The following COLEC11 variants were observed in gnomAD, a reference collection of about 807,000 sequenced individuals.
The protein encoded by COLEC11 is collectin-11.
A neutral mutation model predicts 27.3 loss-of-function variants in COLEC11; 20 were observed. That is an observed-to-expected ratio of 0.73 (90% CI 0.51 to 1.06). The LOEUF is 1.06. Among genes scored for constraint, COLEC11 ranks in the 50% least tolerant of loss-of-function variants. The pLI, the probability that COLEC11 is intolerant of heterozygous loss-of-function variation, is 0.00. For missense variants in COLEC11, 310 were observed against 383.0 expected, an observed-to-expected ratio of 0.81 and a Z score of 1.59; for synonymous variants, 163 against 154.7, an observed-to-expected ratio of 1.05 and a Z score of -0.40.
intron 1 of COLEC11, among the ~76,000 whole-genome samples, chr2:3,599,966 T>A (rs1467062143): frequency 6.6e-6 from 1 of 152,192 alleles, no homozygotes; most frequent in Non-Finnish European, 1.5e-5. Flanking sequence ...CCAGGCACGG[T>A]GGCTCAAGCC....
chr2:3,625,792 C>T (rs994207541), intron 3 of COLEC11, among the ~76,000 whole-genome samples: 2 of 151,910 alleles, frequency 1.3e-5, no homozygotes, highest in Admixed American at 6.6e-5. Context: ...ACCACCACGC[C>T]CGGCTAATTT....
At chr2:3,611,472 G>T (rs1056572590) in intron 2 of COLEC11, among the ~76,000 whole-genome samples, 29 of 152,338 alleles carry the variant, frequency 1.9e-4, no homozygotes, top group African/African-American at 6.7e-4. Flanking sequence ...TCTTTCTTCT[G>T]CACGATGCTG....
intron 3 of COLEC11, among the ~76,000 whole-genome samples, chr2:3,623,103 A>G (rs1005456383): frequency 1.3e-5 from 2 of 152,198 alleles, no homozygotes; most frequent in African/African-American, 4.8e-5. Context: ...TACTTTGAAT[A>G]TATGATCCCA....
At chr2:3,613,113 C>T (rs912169953) in intron 2 of COLEC11, among the ~76,000 whole-genome samples, 198 bp from the exon 3 acceptor site, 1 of 145,342 alleles carries the variant, frequency 6.9e-6, no homozygotes, top group Non-Finnish European at 1.5e-5. Context: ...GGCAGGGAGA[C>T]AAATAGCCCT....
At chr2:3,624,605 TGTTGCTCAGCTCACA>T (rs961942129) in intron 3 of COLEC11, among the ~76,000 whole-genome samples, 8 of 152,206 alleles carry the variant, frequency 5.3e-5, no homozygotes, top group African/African-American at 1.2e-4. Context: ...CACTGAGCTG[TGTTGCTCAGCTCACA>T]GTTGCTCAGC....
At chr2:3,609,808 G>GGC (rs1663048788) in intron 2 of COLEC11, among the ~76,000 whole-genome samples, 1 of 152,118 alleles carries the variant, frequency 6.6e-6, no homozygotes, top group South Asian at 2.1e-4. Context: ...GGGATTACAG[G>GGC]TGTGAGCCAC....
In COLEC11 at chr2:3,640,185, G is replaced by A. The variant is rs573862884; in HGVS notation, c.275-93G>A. 39 of 817,608 alleles carry A rather than the reference G, an allele frequency of 4.8e-5. 2 individuals are homozygous for A. The highest frequency in any genetic ancestry group is 4.7e-4 in the South Asian group (33 of 70,648). 50.6% of individuals were successfully genotyped at this position (817,608 alleles called of 1,614,324 possible). On this transcript the variant is annotated intron_variant, in intron 4 of 6. Coordinates refer to ENST00000349077, the MANE Select transcript of COLEC11 (RefSeq NM_024027.5). ...CAACAAGAGGGCCTGGGATAAATCCGCGAGACAAATCACATTTTCAGTCTT... is the reference window on the plus strand; with the variant it reads ...CAACAAGAGGGCCTGGGATAAATCCACGAGACAAATCACATTTTCAGTCTT...
At chr2:3,608,749 G>A (rs570728940) in intron 2 of COLEC11, among the ~76,000 whole-genome samples, 3 of 152,354 alleles carry the variant, frequency 2.0e-5, no homozygotes, top group African/African-American at 4.8e-5. Flanking sequence ...CTTAAGATGC[G>A]TGGACAGGGC....
Position 3,626,156 on chromosome 2 carries a change from A to G in COLEC11, c.203-11377A>G, listed in dbSNP as rs969375821. ...GACCCTGAGATGCAGAGAATAGGCA[A>G]CCACTCTTCCCATGGCCACATGGCT... is the stretch of plus-strand genomic sequence containing the variant. On this transcript the variant is annotated intron_variant, in intron 3 of 6. Transcript: ENST00000349077. 1.3e-5 allele frequency: 17 copies of G among 1,322,224 alleles called. No homozygotes were observed. In the Admixed American group the frequency reaches 1.3e-4, roughly 10 times the overall value. The allele number at this position is 1,322,224 out of a possible 1,614,324, so 81.9% of individuals were successfully genotyped here.
At chr2:3,625,145 T>C (rs1429745786) in intron 3 of COLEC11, among the ~76,000 whole-genome samples, 1 of 152,220 alleles carries the variant, frequency 6.6e-6, no homozygotes, top group African/African-American at 2.4e-5. Flanking sequence ...GGATTCTCTA[T>C]TAAAACCTCT....
intron 6 of COLEC11, 40 bp downstream of exon 6, chr2:3,643,579 C>T (rs759779851): frequency 2.5e-6 from 4 of 1,601,862 alleles, no homozygotes; most frequent in South Asian, 1.1e-5. Context: ...CCTCCCACCT[C>T]CCAGCCCTGT....
chr2:3,620,564 T>G (rs1226380252), intron 3 of COLEC11, among the ~76,000 whole-genome samples: 1 of 152,196 alleles, frequency 6.6e-6, no homozygotes, highest in Non-Finnish European at 1.5e-5. Context: ...TGATCTTCGT[T>G]ATTTCCTTAC....
At chr2:3,616,812 G>A (rs148728290) in intron 3 of COLEC11, among the ~76,000 whole-genome samples, 4 of 144,460 alleles carry the variant, frequency 2.8e-5, no homozygotes, top group African/African-American at 8.7e-5. Context: ...GAGGGAGAGG[G>A]AGACTGTGGG....
intron 3 of COLEC11, among the ~76,000 whole-genome samples, chr2:3,632,537 G>A (rs374746073): frequency 2.0e-5 from 3 of 152,176 alleles, no homozygotes; most frequent in Non-Finnish European, 2.9e-5. Flanking sequence ...CTTTCTCTTC[G>A]GTAAAGCCAC....
intron 5 of COLEC11, among the ~76,000 whole-genome samples, chr2:3,641,029 A>C (rs1426102499): frequency 1.5e-4 from 10 of 66,712 alleles, no homozygotes; most frequent in Non-Finnish European, 1.1e-4. Context: ...CCCACCCACC[A>C]TGTAGACCCC....
intron 3 of COLEC11, among the ~76,000 whole-genome samples, chr2:3,636,742 C>T (rs931351679): frequency 2.0e-5 from 3 of 152,198 alleles, no homozygotes; most frequent in Admixed American, 6.5e-5. Flanking sequence ...TAACACTTTG[C>T]GGGAGGGAGT....
At chr2:3,616,886 T>A (rs1663796428) in intron 3 of COLEC11, among the ~76,000 whole-genome samples, 1 of 152,182 alleles carries the variant, frequency 6.6e-6, no homozygotes, top group Non-Finnish European at 1.5e-5. Context: ...TTCATCCAGG[T>A]CACAAATGCT....
chr2:3,605,839 G>C (rs911081251), intron 2 of COLEC11: 2 of 439,450 alleles, frequency 4.6e-6, no homozygotes, highest in Non-Finnish European at 8.4e-6. Flanking sequence ...ACAGGGTCCG[G>C]ACAGCTCGGG....
At chr2:3,614,544 TC>T (rs1558497691) in intron 3 of COLEC11, among the ~76,000 whole-genome samples, 1 of 152,178 alleles carries the variant, frequency 6.6e-6, no homozygotes, top group Non-Finnish European at 1.5e-5. Context: ...TCTTTTTTTT[TC>T]TTTTTTTTAA....
Sources: allele counts gnomAD v4.1 joint callset (sites outside exome capture counted in the v4.1 genomes callset), GRCh38; gene constraint gnomAD v4.1.1; transcripts MANE v1.5; gene names NCBI Gene and HGNC (gene_info 2026-07-23, HGNC 2026-07-21).